EPHA7: variants seen among roughly 807,000 people sequenced by gnomAD.
EPHA7 encodes ephrin type-A receptor 7.
In EPHA7, 25 loss-of-function variants were observed where a neutral mutation model predicts 112.6. The observed-to-expected ratio is 0.22, with a 90% CI of 0.16 to 0.31. EPHA7 has a LOEUF of 0.31. EPHA7 is among the 10% of genes least tolerant of loss of function. The pLI is 1.00. For missense variants in EPHA7, 962 were observed against 1,212.6 expected (o/e 0.79, Z 3.07); for synonymous variants, 437 against 406.5 (o/e 1.07, Z -0.90).
chr6:93,384,763 T>C (rs913173480), intron 3 of EPHA7, among the ~76,000 whole-genome samples: 1 of 152,304 alleles, frequency 6.6e-6, no homozygotes, highest in East Asian at 1.9e-4. Context: ...CTGACTTATA[T>C]TGTAACTTGT....
intron 14 of EPHA7, among the ~76,000 whole-genome samples, chr6:93,253,257 A>T (rs942880961): frequency 2.0e-5 from 3 of 152,050 alleles, no homozygotes; most frequent in African/African-American, 7.2e-5. Flanking sequence ...AAACAGACTC[A>T]TCATTTAGAC....
chr6:93,408,071 A>C (rs967499397), intron 3 of EPHA7, among the ~76,000 whole-genome samples: 2 of 152,026 alleles, frequency 1.3e-5, no homozygotes, highest in Non-Finnish European at 2.9e-5. Flanking sequence ...CTGCCACAAA[A>C]ACCCGTAATC....
intron 5 of EPHA7, among the ~76,000 whole-genome samples, chr6:93,351,285 A>G (rs543597859): frequency 3.9e-5 from 6 of 152,126 alleles, no homozygotes; most frequent in South Asian, 2.1e-4. Context: ...GATGATTCCA[A>G]TGAGACCCCA....
In EPHA7 at chr6:93,411,035, C is replaced by G. The variant is rs1379307134; in HGVS notation, c.298G>C (p.Val100Leu). 1 of 1,613,896 alleles carries G rather than the reference C, an allele frequency of 6.2e-7. No individual in the cohort carries two copies. Among genetic ancestry groups the G allele is most frequent in the Non-Finnish European group, 8.5e-7 (1 of 1,179,976 alleles). The change falls in exon 3 of 17, where the codon GTA (valine) becomes CTA (leucine). Residue 100 changes from valine (V) to leucine (L), a missense_variant. By Grantham distance (32) the Val-to-Leu change is conservative. Transcript: ENST00000369303. ...TCCCTCAGGGTGAATTTCAATTCTA[C>G]AAAAATCCTTTGTGCATTGCCTTTG... The part of the protein sequence containing the change: ...ISKGNAQRIF[V>L]ELKFTLRDCN...
At position 93,359,874 on chromosome 6, in the gene EPHA7, GAGATAGAT is replaced by G. The variant is rs66894419; in HGVS notation, c.833-1471_833-1464del. Among the ~76,000 whole-genome samples the G allele has an allele frequency of 9.2e-4, 118 of 127,908 alleles. 1 individual carries two copies. Among genetic ancestry groups the G allele is most frequent in the African/African-American group, 2.6e-3 (87 of 33,990 alleles). 83.9% of individuals were successfully genotyped at this position (127,908 alleles called of 152,430 possible). A position where few individuals can be genotyped will look rare whatever the true frequency, so the allele number is the denominator to read the frequency against. On this transcript the variant is annotated intron_variant, in intron 3 of 16. Transcript: ENST00000369303. ...GATGATAGAGAGAGAGAGAGAGAGAGAGATAGATAGATAGATAGATAGATAGATAGATA... is the reference window on the plus strand; with the variant it reads ...GATGATAGAGAGAGAGAGAGAGAGAGAGATAGATAGATAGATAGATAGATA...
rs1480806273 is a variant in EPHA7 at position 93,240,388 on chromosome 6, T to C, written c.*3038A>G. ...GAGAGGTGAATCACACCATTTTAAT[T>C]GTCTTAAAAACACGGATAAGAAGAG... On this transcript the variant is annotated 3_prime_UTR_variant, in exon 17 of 17. Transcript: ENST00000369303. The C allele has an allele frequency of 4.5e-6, 1 of 223,138 alleles. No homozygotes were observed. Among genetic ancestry groups the C allele is most frequent in the Non-Finnish European group, 8.9e-6 (1 of 111,812 alleles). The allele number at this position is 223,138 out of a possible 1,614,324, so 13.8% of individuals were successfully genotyped here.
intron 9 of EPHA7, among the ~76,000 whole-genome samples, chr6:93,262,911 A>C (rs1214724816): frequency 6.6e-6 from 1 of 151,370 alleles, no homozygotes. Context: ...TTATGACTTT[A>C]GGATGGGTAT....
intron 7 of EPHA7, among the ~76,000 whole-genome samples, chr6:93,267,347 C>T (rs1562055466): frequency 6.6e-6 from 1 of 151,680 alleles, no homozygotes; most frequent in Non-Finnish European, 1.5e-5. Context: ...TTGAGTACTA[C>T]TATACTAGAA....
intron 1 of EPHA7, among the ~76,000 whole-genome samples, chr6:93,414,970 A>G (rs899712716): frequency 6.6e-6 from 1 of 151,988 alleles, no homozygotes; most frequent in African/African-American, 2.4e-5. Flanking sequence ...TAAGACACCA[A>G]TATTATATTT....
chr6:93,243,464 G>C lies in EPHA7; in HGVS notation c.2959C>G (p.Gln987Glu). 3.1e-6 allele frequency: 5 copies of C among 1,613,472 alleles called. No individual in the cohort carries two copies. The highest frequency in any genetic ancestry group is 4.2e-6 in the Non-Finnish European group (5 of 1,179,552). Residue 987 changes from glutamine to glutamate, a missense_variant, in exon 17 of 17, where the codon CAA becomes GAA. Gln to Glu is a conservative substitution (Grantham distance 29). Transcript: ENST00000369303. ...CCAGTTCCATGTAAATGTAGCATTTGTGCTCTCATAGTCTGAATGCTGCTC... is the reference window on the plus strand; with the variant it reads ...CCAGTTCCATGTAAATGTAGCATTTCTGCTCTCATAGTCTGAATGCTGCTC... ...IMSSIQTMRA[Q>E]MLHLHGTGIQ...
intron 5 of EPHA7, among the ~76,000 whole-genome samples, chr6:93,345,216 C>T (rs1352299844): frequency 6.6e-6 from 1 of 151,584 alleles, no homozygotes; most frequent in Non-Finnish European, 1.5e-5. Flanking sequence ...TTGTTTTTAT[C>T]ATCATATACA....
intron 3 of EPHA7, among the ~76,000 whole-genome samples, chr6:93,406,100 C>T (rs1329229669): frequency 1.3e-5 from 2 of 150,682 alleles, no homozygotes; most frequent in African/African-American, 2.4e-5. Context: ...TAAAAAGCTG[C>T]TATTAGGAAA....
At chr6:93,256,123 A>C in intron 12 of EPHA7, 86 bp from the exon 13 acceptor site, 7 of 1,207,068 alleles carry the variant, frequency 5.8e-6, no homozygotes, top group Non-Finnish European at 8.4e-6. Flanking sequence ...GCGTGCTAGC[A>C]ATTTGCTATT....
At chr6:93,288,138 C>T (rs1272748147) in intron 5 of EPHA7, among the ~76,000 whole-genome samples, 1 of 152,040 alleles carries the variant, frequency 6.6e-6, no homozygotes. Flanking sequence ...TGAATGTTCA[C>T]AGCAATATTA....
chr6:93,337,792 G>A (rs1328341011), intron 5 of EPHA7, among the ~76,000 whole-genome samples: 2 of 152,100 alleles, frequency 1.3e-5, no homozygotes, highest in African/African-American at 4.8e-5. Context: ...CATCCTGGAA[G>A]CAAATAAATG....
intron 5 of EPHA7, among the ~76,000 whole-genome samples, chr6:93,355,114 A>G (rs1582582025): frequency 6.6e-6 from 1 of 152,318 alleles, no homozygotes; most frequent in East Asian, 1.9e-4. Context: ...TTTAAAATAA[A>G]TAGGATAAAT....
intron 5 of EPHA7, among the ~76,000 whole-genome samples, chr6:93,335,218 T>C (rs1273904821): frequency 1.3e-5 from 2 of 152,142 alleles, no homozygotes; most frequent in East Asian, 3.9e-4. Context: ...GTCTTACTTT[T>C]TTCTGCTTCC....
intron 5 of EPHA7, among the ~76,000 whole-genome samples, chr6:93,342,545 A>T (rs1004759295): frequency 1.3e-4 from 19 of 151,806 alleles, no homozygotes; most frequent in Admixed American, 2.6e-4. Context: ...TGGAGTAATC[A>T]AATAGAGTTA....
At chr6:93,336,786 A>T (rs1774901542) in intron 5 of EPHA7, among the ~76,000 whole-genome samples, 1 of 151,938 alleles carries the variant, frequency 6.6e-6, no homozygotes, top group African/African-American at 2.4e-5. Flanking sequence ...ACCAAGAGTA[A>T]CCTCTTGCTT....
Sources: allele counts gnomAD v4.1 joint callset (sites outside exome capture counted in the v4.1 genomes callset), GRCh38; gene constraint gnomAD v4.1.1; transcripts MANE v1.5; gene names NCBI Gene and HGNC (gene_info 2026-07-23, HGNC 2026-07-21).